The following HDX variants were observed in gnomAD, a reference collection of about 807,000 sequenced individuals.
HDX encodes the protein chromosome X open reading frame 43.
Under a neutral mutation model 45.2 loss-of-function variants are expected in HDX, and 19 were observed. The observed-to-expected ratio is 0.42, with a 90% confidence interval of 0.29 to 0.62. The LOEUF is 0.62. Ranked by LOEUF, HDX falls within the 20% of genes least tolerant of loss-of-function variation. The pLI is 0.20. For missense variants in HDX, 532 were observed against 493.9 expected, an observed-to-expected ratio of 1.08 and a Z score of -0.73; for synonymous variants, 188 against 172.8, an observed-to-expected ratio of 1.09 and a Z score of -0.69.
intron 4 of HDX, among the ~76,000 whole-genome samples, chrX:84,446,161 G>A (rs967984822): frequency 9.0e-6 from 1 of 110,991 alleles, no homozygotes; most frequent in Non-Finnish European, 1.9e-5. Context: ...TTATCCAAAG[G>A]CACTAAAGAA....
intron 1 of HDX, among the ~76,000 whole-genome samples, chrX:84,488,958 GGCTT>G (rs1289459859): frequency 9.0e-6 from 1 of 110,583 alleles, no homozygotes; most frequent in African/African-American, 3.3e-5. Context: ...GCTGTCAGTG[GGCTT>G]GCCTTTAGCA....
chrX:84,368,764 C>G (rs1187119416), intron 5 of HDX, among the ~76,000 whole-genome samples: 1 of 111,420 alleles, frequency 9.0e-6, no homozygotes, highest in Non-Finnish European at 1.9e-5. Flanking sequence ...CACCAGGGAC[C>G]AGTTTCATGG....
intron 1 of HDX, among the ~76,000 whole-genome samples, chrX:84,501,870 T>A (rs1226111530): frequency 9.1e-6 from 1 of 109,611 alleles, no homozygotes; most frequent in Non-Finnish European, 1.9e-5. Context: ...CCACGCCTAT[T>A]CTCCTCACAG....
chrX:84,327,270 A>G (rs2036733786), intron 9 of HDX, among the ~76,000 whole-genome samples: 1 of 111,835 alleles, frequency 8.9e-6, no homozygotes, highest in Admixed American at 9.5e-5. Context: ...CTTAGGTGGG[A>G]GACTCTCTTT....
chrX:84,411,250 T>C (rs1036624838), intron 5 of HDX, among the ~76,000 whole-genome samples: 3 of 111,623 alleles, frequency 2.7e-5, no homozygotes, highest in Non-Finnish European at 5.7e-5. Context: ...GGGTGTGATG[T>C]TAGGTCATTA....
At chrX:84,418,721 G>T (rs1378534246) in intron 5 of HDX, among the ~76,000 whole-genome samples, 1 of 111,452 alleles carries the variant, frequency 9.0e-6, no homozygotes, top group East Asian at 2.8e-4. Context: ...GCATGTTTTA[G>T]GGCAAAACTA....
In HDX at chrX:84,390,279, T is replaced by C. The variant is rs1192019849; in HGVS notation, c.1306-28667A>G. ...GCCTCTAGTTTTAAAGTATACAGTT[T>C]TAAAAGTTGTAAAATAATCTGTTAT... is the stretch of plus-strand genomic sequence containing the variant. On this transcript the variant is annotated intron_variant, in intron 5 of 10. Coordinates refer to ENST00000373177, the MANE Select transcript of HDX (RefSeq NM_001177479.2). Among the ~76,000 whole-genome samples the C allele has an allele frequency of 2.7e-5, 3 of 111,716 alleles. No individual in the cohort carries two copies. In the Admixed American group the frequency reaches 2.9e-4, roughly 11 times the overall value.
chrX:84,428,924 G>T (rs1017763582), intron 5 of HDX, among the ~76,000 whole-genome samples: 1 of 109,741 alleles, frequency 9.1e-6, no homozygotes, highest in African/African-American at 3.3e-5. Flanking sequence ...TTCATTTTTT[G>T]CATGGGGATA....
At chrX:84,420,970 A>G (rs1245229830) in intron 5 of HDX, among the ~76,000 whole-genome samples, 2 of 112,380 alleles carry the variant, frequency 1.8e-5, no homozygotes, top group Non-Finnish European at 3.8e-5. Context: ...TCTCAGACAA[A>G]CAGAAGCTAA....
Position 84,365,488 on chromosome X carries a change from G to T in HDX, c.1306-3876C>A, listed in dbSNP as rs748418792. The stretch of plus-strand genomic sequence containing the variant: ...ACAGAGTAAACAAGCAGGGTCTGTG[G>T]GAGGCAAGCTTTGTAGTAACAAGAA... On this transcript the variant is annotated intron_variant, in intron 5 of 10. Coordinates refer to ENST00000373177, the MANE Select transcript of HDX (RefSeq NM_001177479.2). Among the ~76,000 whole-genome samples, 23 of 111,542 alleles carry T rather than the reference G, an allele frequency of 2.1e-4. No individual in the cohort carries two copies. In the South Asian group the frequency reaches 5.7e-3, roughly 28 times the overall value.
chrX:84,498,027 T>C (rs958425829), intron 1 of HDX, among the ~76,000 whole-genome samples: 2 of 111,562 alleles, frequency 1.8e-5, no homozygotes, highest in African/African-American at 6.5e-5. Context: ...GAAAAGAAGC[T>C]AAGGAGATAG....
chrX:84,341,376 TC>T (rs1414047511), intron 7 of HDX, among the ~76,000 whole-genome samples: 1 of 111,427 alleles, frequency 9.0e-6, no homozygotes, highest in East Asian at 2.8e-4. Context: ...CCTCACTATT[TC>T]CCTGTACACT....
intron 4 of HDX, among the ~76,000 whole-genome samples, chrX:84,465,261 G>T (rs1458018960): frequency 8.9e-6 from 1 of 111,926 alleles, no homozygotes; most frequent in Non-Finnish European, 1.9e-5. Flanking sequence ...AAGACAGTGT[G>T]GCAAATCCTC....
intron 5 of HDX, among the ~76,000 whole-genome samples, chrX:84,432,090 G>T (rs772903443): frequency 9.0e-6 from 1 of 111,109 alleles, no homozygotes; most frequent in Non-Finnish European, 1.9e-5. Flanking sequence ...ATTGAATATG[G>T]AATCTTTTTC....
chrX:84,392,734 A>C (rs2147934980), intron 5 of HDX, among the ~76,000 whole-genome samples: 1 of 110,170 alleles, frequency 9.1e-6, no homozygotes, highest in Non-Finnish European at 1.9e-5. Context: ...AGTGAATAGA[A>C]ATTCTACTGA....
intron 7 of HDX, among the ~76,000 whole-genome samples, chrX:84,338,714 G>A (rs1433900632): frequency 9.0e-6 from 1 of 110,499 alleles, no homozygotes; most frequent in East Asian, 2.9e-4. Context: ...CCCTGATATG[G>A]TTTATGTCTG....
At chrX:84,432,967 T>C (rs1056543747) in intron 5 of HDX, among the ~76,000 whole-genome samples, 4 of 111,179 alleles carry the variant, frequency 3.6e-5, no homozygotes, top group African/African-American at 9.8e-5. Flanking sequence ...CTGTTGGCCA[T>C]TTTTTTGTCT....
intron 1 of HDX, chrX:84,500,208 A>G (rs1426810683): frequency 9.0e-6 from 1 of 110,881 alleles, no homozygotes; most frequent in Non-Finnish European, 1.9e-5. Flanking sequence ...TTATTTAGTC[A>G]TTGGAGGGTC....
intron 5 of HDX, among the ~76,000 whole-genome samples, chrX:84,388,230 G>GT (rs1324389370): frequency 2.1e-4 from 22 of 107,126 alleles, no homozygotes; most frequent in East Asian, 5.9e-4. Flanking sequence ...CTGCCTTTAA[G>GT]TTTTTTTTTT....
Sources: allele counts gnomAD v4.1 joint callset (sites outside exome capture counted in the v4.1 genomes callset), GRCh38; gene constraint gnomAD v4.1.1; transcripts MANE v1.5; gene names NCBI Gene and HGNC (gene_info 2026-07-23, HGNC 2026-07-21).